Variants in APOOL observed in about 807,000 individuals in gnomAD.
APOOL encodes MICOS complex subunit MIC27.
A neutral mutation model predicts 23.1 loss-of-function variants in APOOL; 12 were observed. The ratio of observed to expected loss-of-function variants is 0.52; its 90% CI spans 0.33 to 0.84. The LOEUF (loss-of-function observed/expected upper bound fraction) is 0.84, where lower values mean the gene tolerates loss of function less well. APOOL is among the 40% of genes least tolerant of loss of function. APOOL has a pLI of 0.02. For missense variants in APOOL, 212 were observed against 199.6 expected (o/e 1.06, Z -0.37); for synonymous variants, 77 against 69.9 (o/e 1.10, Z -0.51).
intron 1 of APOOL, among the ~76,000 whole-genome samples, chrX:85,034,362 A>C (rs1922141769): frequency 8.9e-6 from 1 of 111,991 alleles, no homozygotes; most frequent in African/African-American, 3.2e-5. Flanking sequence ...TTATTTTACA[A>C]AAATGCTACA....
chrX:85,078,870 C>T (rs1923965086), intron 8 of APOOL, among the ~76,000 whole-genome samples: 1 of 111,408 alleles, frequency 9.0e-6, no homozygotes, highest in Non-Finnish European at 1.9e-5. Flanking sequence ...TGGGAATTCA[C>T]TCATGATTTG....
intron 5 of APOOL, among the ~76,000 whole-genome samples, chrX:85,063,204 T>G (rs1014848564): frequency 8.9e-6 from 1 of 111,827 alleles, no homozygotes; most frequent in Admixed American, 9.5e-5. Context: ...TTTTGCACTT[T>G]GATTTTTGTA....
rs1458249434 is a variant in APOOL at position 85,088,927 on chromosome X, C to G, written c.*1249C>G. The G allele has an allele frequency of 9.0e-6, 1 of 111,311 alleles. No individual in the cohort carries two copies. Among genetic ancestry groups the G allele is most frequent in the Admixed American group, 9.6e-5 (1 of 10,411 alleles). The allele number at this position is 111,311 out of a possible 1,213,427, so 9.2% of individuals were successfully genotyped here. ...CTTCTCTGTCTTAAATCAACAATAA[C>G]AAAACAAGACAAAAACCTTTCCTTA... On this transcript the variant is annotated 3_prime_UTR_variant, in exon 9 of 9. Coordinates refer to ENST00000373173, the MANE Select transcript of APOOL (RefSeq NM_198450.6).
rs774808838 is a variant in APOOL at position 85,092,479 on chromosome X, C to A, written c.*4801C>A. The stretch of plus-strand genomic sequence containing the variant: ...CTCAGAGGAAAGGTCTAAAGCCCCT[C>A]GACTAGTATAGTAGTTGATAGAAGC... On this transcript the variant is annotated 3_prime_UTR_variant, in exon 9 of 9. Transcript: ENST00000373173. The A allele has an allele frequency of 3.3e-6, 4 of 1,208,200 alleles. No homozygotes were observed. The African/African-American group carries it at 6.9e-5, about 21-fold the overall frequency.
chrX:85,072,735 T>C (rs1449078510), intron 6 of APOOL, among the ~76,000 whole-genome samples: 3 of 111,681 alleles, frequency 2.7e-5, no homozygotes, highest in Non-Finnish European at 5.6e-5. Flanking sequence ...TAAAGTAATA[T>C]AGAACCGTGC....
At chrX:85,013,470 C>A (rs1200353343) in intron 1 of APOOL, among the ~76,000 whole-genome samples, 1 of 111,679 alleles carries the variant, frequency 9.0e-6, no homozygotes, top group Non-Finnish European at 1.9e-5. Flanking sequence ...ATACCATGAA[C>A]TTTCCTCTTA....
At chrX:85,043,434 C>T (rs1282081158) in intron 1 of APOOL, among the ~76,000 whole-genome samples, 1 of 108,726 alleles carries the variant, frequency 9.2e-6, no homozygotes, top group Non-Finnish European at 1.9e-5. Flanking sequence ...TGTAAATGGC[C>T]ACATGGTAAA....
At chrX:85,009,830 T>C (rs765837488) in intron 1 of APOOL, among the ~76,000 whole-genome samples, 10 of 111,071 alleles carry the variant, frequency 9.0e-5, no homozygotes, top group Non-Finnish European at 1.9e-4. Context: ...TTTCCTTCTT[T>C]GTGTTTGTAA....
At chrX:85,074,558 A>G (rs771300821) in intron 8 of APOOL, among the ~76,000 whole-genome samples, 167 bp downstream of exon 8, 172 of 111,413 alleles carry the variant, frequency 1.5e-3, no homozygotes, top group African/African-American at 5.2e-3. Context: ...AAGTATCTGC[A>G]ATTGCTTTAA....
chrX:85,060,952 TTG>T (rs1923192945), intron 5 of APOOL, among the ~76,000 whole-genome samples: 1 of 111,193 alleles, frequency 9.0e-6, no homozygotes, highest in African/African-American at 3.3e-5. Context: ...CTTCCCTGTC[TTG>T]TGCCAGTTTT....
At chrX:85,024,694 G>C (rs1188334945) in intron 1 of APOOL, among the ~76,000 whole-genome samples, 1 of 112,760 alleles carries the variant, frequency 8.9e-6, no homozygotes, top group Non-Finnish European at 1.9e-5. Context: ...CAGTCACACA[G>C]AGCTATGAGG....
intron 8 of APOOL, among the ~76,000 whole-genome samples, chrX:85,079,116 T>C (rs1351861412): frequency 4.5e-5 from 5 of 111,805 alleles, no homozygotes; most frequent in African/African-American, 1.6e-4. Flanking sequence ...GGCCAGAACT[T>C]CCAACACCAT....
intron 1 of APOOL, among the ~76,000 whole-genome samples, chrX:85,022,067 G>A (rs779934902): frequency 7.1e-5 from 8 of 112,111 alleles, no homozygotes; most frequent in East Asian, 5.6e-4. Flanking sequence ...TGAACAGAGC[G>A]CTAATGAATA....
chrX:85,051,367 C>T (rs1248167552), intron 2 of APOOL, 22 bp from the exon 3 acceptor site: 3 of 1,203,932 alleles, frequency 2.5e-6, no homozygotes, highest in Non-Finnish European at 3.4e-6. Flanking sequence ...ATGTTTTTGA[C>T]ATGAACATTT....
At chrX:85,065,123 C>T (rs1923404454) in intron 5 of APOOL, among the ~76,000 whole-genome samples, 1 of 111,443 alleles carries the variant, frequency 9.0e-6, no homozygotes, top group Non-Finnish European at 1.9e-5. Flanking sequence ...AGCCCTTTAC[C>T]ATTATGTAAT....
At chrX:85,024,587 A>T (rs948854574) in intron 1 of APOOL, among the ~76,000 whole-genome samples, 1 of 112,032 alleles carries the variant, frequency 8.9e-6, no homozygotes, top group Non-Finnish European at 1.9e-5. Flanking sequence ...CCTGGGAAGA[A>T]CCCCTGCCAT....
intron 6 of APOOL, among the ~76,000 whole-genome samples, chrX:85,071,349 A>G (rs1456148698): frequency 9.0e-6 from 1 of 110,742 alleles, no homozygotes; most frequent in Non-Finnish European, 1.9e-5. Flanking sequence ...TATCCAAACA[A>G]TTATATTGAG....
rs3213526 is a variant in APOOL, at chrX:85,067,109, T to C, written c.395-18T>C. ...GTGGTATATATTTGGAGTTTAATAA[T>C]ATATTTGCATTTTATAGGTTCCAAG... is the stretch of plus-strand genomic sequence containing the variant. On this transcript the variant is annotated intron_variant, in intron 5 of 8. Transcript: ENST00000373173. The C allele has an allele frequency of 2.1e-4, 219 of 1,044,349 alleles. 2 individuals carry two copies. In the East Asian group the frequency reaches 5.2e-3, roughly 25 times the overall value. The allele number at this position is 1,044,349 out of a possible 1,213,427, so 86.1% of individuals were successfully genotyped here. A position where few individuals can be genotyped will look rare whatever the true frequency, so the allele number is the denominator to read the frequency against.
At chrX:85,082,564 T>C (rs186268421) in intron 8 of APOOL, among the ~76,000 whole-genome samples, 13 of 111,217 alleles carry the variant, frequency 1.2e-4, no homozygotes, top group African/African-American at 4.2e-4. Context: ...ACAGTGACGG[T>C]TGAAAAAAAA....
Sources: allele counts gnomAD v4.1 joint callset (sites outside exome capture counted in the v4.1 genomes callset), GRCh38; gene constraint gnomAD v4.1.1; transcripts MANE v1.5; gene names NCBI Gene and HGNC (gene_info 2026-07-23, HGNC 2026-07-21).